The following COL25A1 variants were observed in gnomAD, a reference collection of about 807,000 sequenced individuals.
COL25A1 encodes collagen type XXV alpha 1 chain.
COL25A1 carries 103 observed loss-of-function variants against 128.4 expected under a neutral mutation model. The observed-to-expected ratio is 0.80, with a 90% confidence interval of 0.68 to 0.94. The LOEUF (loss-of-function observed/expected upper bound fraction) is 0.94, where lower values mean the gene tolerates loss of function less well. Ranked by LOEUF, COL25A1 falls within the 40% of genes least tolerant of loss-of-function variation. The pLI, the probability that COL25A1 is intolerant of heterozygous loss-of-function variation, is 0.00. For synonymous variants in COL25A1, 279 were observed against 277.2 expected (o/e 1.01, Z -0.06); for missense variants, 745 against 840.0 (o/e 0.89, Z 1.40).
chr4:108,893,198 T>C (rs1331782405), intron 16 of COL25A1, among the ~76,000 whole-genome samples: 3 of 151,110 alleles, frequency 2.0e-5, no homozygotes. Context: ...GGAATGGAAA[T>C]GGGGGAGAGG....
intron 3 of COL25A1, among the ~76,000 whole-genome samples, chr4:109,059,379 T>C (rs1302280810): frequency 6.6e-6 from 1 of 152,214 alleles, no homozygotes; most frequent in South Asian, 2.1e-4. Flanking sequence ...TGGTCACTTA[T>C]TAAACACACT....
intron 3 of COL25A1, among the ~76,000 whole-genome samples, chr4:109,266,213 T>A (rs1781784277): frequency 6.6e-6 from 1 of 152,150 alleles, no homozygotes; most frequent in Non-Finnish European, 1.5e-5. Flanking sequence ...TTGTAAAAAT[T>A]AACTAAGATA....
chr4:109,266,699 C>A (rs1781825271), intron 3 of COL25A1, among the ~76,000 whole-genome samples: 2 of 151,588 alleles, frequency 1.3e-5, no homozygotes, highest in South Asian at 4.2e-4. Context: ...ATAAAGATTA[C>A]TCTCAACCAT....
intron 8 of COL25A1, among the ~76,000 whole-genome samples, chr4:108,963,355 T>C (rs1485820703): frequency 1.3e-5 from 2 of 152,238 alleles, no homozygotes; most frequent in Non-Finnish European, 2.9e-5. Flanking sequence ...AAATTGTTTA[T>C]AAATTGCTGT....
chr4:109,278,162 T>C (rs969556475), intron 3 of COL25A1, among the ~76,000 whole-genome samples: 2 of 152,120 alleles, frequency 1.3e-5, no homozygotes, highest in Non-Finnish European at 2.9e-5. Flanking sequence ...GCTATTACTT[T>C]AATGAGCTTG....
At chr4:109,213,283 A>G (rs973418123) in intron 3 of COL25A1, among the ~76,000 whole-genome samples, 1 of 152,174 alleles carries the variant, frequency 6.6e-6, no homozygotes, top group Non-Finnish European at 1.5e-5. Flanking sequence ...TATGTGGTAG[A>G]TTACAGACAG....
intron 3 of COL25A1, among the ~76,000 whole-genome samples, chr4:109,289,520 G>GT: frequency 6.6e-6 from 1 of 152,154 alleles, no homozygotes; most frequent in Admixed American, 6.6e-5. Flanking sequence ...TGCCATTGAT[G>GT]TTTTCTCAGT....
chr4:109,024,160 T>C lies in COL25A1; in HGVS notation c.421-13785A>G, dbSNP rs114523340. On this transcript the variant is annotated intron_variant, in intron 5 of 37. Transcript: ENST00000399132. Reference sequence around the variant, plus strand: ...GGCTAATGTAAGTGTTCTGAGAACATTTAAAGTAAGCTAGGCTAAGCTATG... The same window carrying C: ...GGCTAATGTAAGTGTTCTGAGAACACTTAAAGTAAGCTAGGCTAAGCTATG... Among the ~76,000 whole-genome samples, 959 of 152,192 alleles carry C rather than the reference T, an allele frequency of 6.3e-3. 14 individuals are homozygous for C. Among genetic ancestry groups the C allele is most frequent in the African/African-American group, 0.022 (902 of 41,552 alleles).
Position 108,941,447 on chromosome 4 carries a change from C to A in COL25A1, c.493-10G>T. 1 of 1,610,392 alleles carries A rather than the reference C, an allele frequency of 6.2e-7. No homozygotes were observed. The highest frequency in any genetic ancestry group is 1.1e-5 in the South Asian group (1 of 90,962). ...TTTTAGGAAACACCATCTGATCAGT[C>A]AGTTGAGGTCAAAGGTTGAAGTTCA... On this transcript the variant is annotated splice_polypyrimidine_tract_variant and intron_variant, in intron 8 of 37. Transcript: ENST00000399132.
At chr4:109,029,961 T>A (rs761819384) in intron 5 of COL25A1, among the ~76,000 whole-genome samples, 29 of 152,146 alleles carry the variant, frequency 1.9e-4, no homozygotes, top group Non-Finnish European at 4.0e-4. Context: ...AGAACCTAAA[T>A]CTATTCCCTG....
chr4:109,145,431 A>G (rs1578280547), intron 3 of COL25A1, among the ~76,000 whole-genome samples: 1 of 152,240 alleles, frequency 6.6e-6, no homozygotes, highest in African/African-American at 2.4e-5. Context: ...ACTTACACAT[A>G]CTGTAATTAT....
intron 3 of COL25A1, among the ~76,000 whole-genome samples, chr4:109,223,547 G>A (rs578008719): frequency 1.3e-5 from 2 of 152,226 alleles, no homozygotes; most frequent in East Asian, 3.9e-4. Flanking sequence ...TCAGAAAAGA[G>A]TTCTGAAAGA....
intron 8 of COL25A1, among the ~76,000 whole-genome samples, chr4:108,960,051 G>T (rs1430537258): frequency 1.3e-5 from 2 of 152,100 alleles, no homozygotes; most frequent in African/African-American, 4.8e-5. Context: ...AGCAAAAATA[G>T]AATGGCTTCA....
intron 3 of COL25A1, among the ~76,000 whole-genome samples, chr4:109,218,356 G>GTTTTTTTTTTTTTTTTTTTTT (rs796441649): frequency 1.2e-4 from 12 of 100,470 alleles, no homozygotes; most frequent in African/African-American, 3.7e-4. Context: ...GGTTTTTTGG[G>GTTTTTTTTTTTTTTTTTTTTT]GTTTTTTTTT....
intron 3 of COL25A1, among the ~76,000 whole-genome samples, chr4:109,056,561 A>T (rs1325142397): frequency 6.6e-6 from 1 of 152,162 alleles, no homozygotes; most frequent in Non-Finnish European, 1.5e-5. Context: ...AATTTATAAA[A>T]CATAAAGAAT....
intron 3 of COL25A1, among the ~76,000 whole-genome samples, chr4:109,148,464 C>T (rs562573076): frequency 2.6e-5 from 4 of 152,248 alleles, no homozygotes; most frequent in South Asian, 2.1e-4. Flanking sequence ...TCTACCATCC[C>T]ACCAGGTACC....
intron 3 of COL25A1, among the ~76,000 whole-genome samples, chr4:109,128,884 C>A (rs765178148): frequency 2.0e-5 from 3 of 152,140 alleles, no homozygotes; most frequent in Admixed American, 6.5e-5. Context: ...AGAACTCAAG[C>A]TATGGTATGA....
chr4:109,261,389 C>G (rs769878049), intron 3 of COL25A1, among the ~76,000 whole-genome samples: 11 of 152,112 alleles, frequency 7.2e-5, no homozygotes, highest in Non-Finnish European at 1.3e-4. Flanking sequence ...TGGTAGAGCA[C>G]TCCTGTAGAC....
intron 30 of COL25A1, among the ~76,000 whole-genome samples, chr4:108,844,009 C>T (rs1366167685): frequency 6.6e-6 from 1 of 152,130 alleles, no homozygotes; most frequent in African/African-American, 2.4e-5. Context: ...GGCAATCCTC[C>T]CACCTCAGCC....
Sources: gnomAD v4.1 joint callset for allele counts (sites outside exome capture counted in the v4.1 genomes callset) on GRCh38, gnomAD v4.1.1 for gene constraint, MANE v1.5 for transcripts, NCBI Gene and HGNC (gene_info 2026-07-23, HGNC 2026-07-21) for gene names.